Variants in XPR1 observed in about 807,000 individuals in gnomAD.
XPR1 encodes the protein xenotropic and polytropic retrovirus receptor 1.
A neutral mutation model predicts 87.5 loss-of-function variants in XPR1; 28 were observed. That is an observed-to-expected ratio of 0.32 (90% confidence interval 0.24 to 0.44). XPR1 has a LOEUF of 0.44. XPR1 is among the 20% of genes least tolerant of loss of function. The pLI is 1.00. For synonymous variants in XPR1, 300 were observed against 306.1 expected, an observed-to-expected ratio of 0.98 and a Z score of 0.21; for missense variants, 559 against 862.3, an observed-to-expected ratio of 0.65 and a Z score of 4.41.
intron 2 of XPR1, among the ~76,000 whole-genome samples, chr1:180,749,639 T>TCA (rs139363505): frequency 0.063 from 9,035 of 142,360 alleles, 388 homozygotes; most frequent in African/African-American, 0.1. Flanking sequence ...CACATATACA[T>TCA]CACACACACA....
Position 180,728,301 on chromosome 1 carries a change from G to T in XPR1, c.121+45890G>T, listed in dbSNP as rs977982357. 2.0e-5 allele frequency among the ~76,000 whole-genome samples: 3 copies of T among 146,542 alleles called. No individual in the cohort carries two copies. In the East Asian group the frequency reaches 6.2e-4, roughly 30 times the overall value. On this transcript the variant is annotated intron_variant, in intron 2 of 14. Coordinates refer to ENST00000367590, the MANE Select transcript of XPR1 (RefSeq NM_004736.4). ...GAAAAAGGAGTTGTTTATAACTGGG[G>T]GGGGGGGTAGTAATGAAAACTATGT...
intron 5 of XPR1, 31 bp from the exon 6 acceptor site, chr1:180,806,443 C>G: frequency 6.2e-7 from 1 of 1,608,642 alleles, no homozygotes. Context: ...TTAGTATAAC[C>G]TAACCAAAAT....
At chr1:180,834,086 A>AT (rs113763392) in intron 9 of XPR1, among the ~76,000 whole-genome samples, 9,587 of 146,470 alleles carry the variant, frequency 0.065, 381 homozygotes, top group Non-Finnish European at 0.085. Context: ...TATTGTAATA[A>AT]TTTTTTTTTT....
At chr1:180,762,580 G>A (rs1040159916) in intron 2 of XPR1, among the ~76,000 whole-genome samples, 8 of 152,156 alleles carry the variant, frequency 5.3e-5, no homozygotes, top group Middle Eastern at 3.2e-3. Context: ...AAAATTAAGG[G>A]AACAGGCTGG....
intron 1 of XPR1, among the ~76,000 whole-genome samples, chr1:180,663,902 C>A (rs892291156): frequency 3.3e-5 from 5 of 152,130 alleles, no homozygotes; most frequent in Admixed American, 3.3e-4. Flanking sequence ...GAGGAGTCTC[C>A]CCATGTCCAC....
chr1:180,862,828 G>T (rs1337269300), intron 11 of XPR1, among the ~76,000 whole-genome samples: 6 of 151,956 alleles, frequency 3.9e-5, no homozygotes, highest in Non-Finnish European at 8.8e-5. Context: ...AATTAGATTT[G>T]TACGCCTTTT....
At chr1:180,766,231 A>G (rs1217028270) in intron 2 of XPR1, among the ~76,000 whole-genome samples, 1 of 152,120 alleles carries the variant, frequency 6.6e-6, no homozygotes, top group Non-Finnish European at 1.5e-5. Flanking sequence ...GCACATTTCC[A>G]AAAAAATGCA....
At chr1:180,715,995 T>A (rs921013197) in intron 2 of XPR1, among the ~76,000 whole-genome samples, 1 of 152,164 alleles carries the variant, frequency 6.6e-6, no homozygotes, top group Non-Finnish European at 1.5e-5. Flanking sequence ...TAATGAAAGC[T>A]TCTTGAGCTA....
At chr1:180,793,876 T>G (rs1382169877) in intron 3 of XPR1, among the ~76,000 whole-genome samples, 9 of 152,166 alleles carry the variant, frequency 5.9e-5, no homozygotes, top group Non-Finnish European at 1.2e-4. Context: ...CTTCCTTCCT[T>G]CTGTCTCTCT....
chr1:180,659,457 C>G (rs1156758064), intron 1 of XPR1, among the ~76,000 whole-genome samples: 1 of 93,240 alleles, frequency 1.1e-5, no homozygotes, highest in East Asian at 2.5e-4. Flanking sequence ...CTTCTTCCCT[C>G]CCTTCCTCCC....
At chr1:180,821,891 A>G (rs1485496622) in intron 7 of XPR1, among the ~76,000 whole-genome samples, 1 of 152,144 alleles carries the variant, frequency 6.6e-6, no homozygotes, top group African/African-American at 2.4e-5. Flanking sequence ...TGTACTCTAC[A>G]ACTGTGATGA....
intron 2 of XPR1, among the ~76,000 whole-genome samples, chr1:180,702,126 G>C (rs1269336989): frequency 1.4e-5 from 1 of 72,900 alleles, no homozygotes; most frequent in African/African-American, 6.6e-5. Context: ...CAGAGATTCT[G>C]GTATGTGGTG....
Position 180,652,479 on chromosome 1 carries a change from G to T in XPR1, c.69+20209G>T, listed in dbSNP as rs1413376654. 3.3e-5 allele frequency among the ~76,000 whole-genome samples: 5 copies of T among 152,336 alleles called. No homozygotes were observed. In the South Asian group the frequency reaches 1.0e-3, roughly 32 times the overall value. ...AAAGAAGATGAAGACTTAGTCTTCT[G>T]TCTGATCTGCTCCAGCCTCCAGCCC... is the stretch of plus-strand genomic sequence containing the variant. On this transcript the variant is annotated intron_variant, in intron 1 of 14. Transcript: ENST00000367590.
At chr1:180,845,772 C>G (rs912219124) in intron 11 of XPR1, among the ~76,000 whole-genome samples, 3 of 70,498 alleles carry the variant, frequency 4.3e-5, no homozygotes, top group Middle Eastern at 8.5e-3. Flanking sequence ...TGACCTGAGC[C>G]TGCTGACACA....
At chr1:180,850,240 T>C (rs1226692483) in intron 11 of XPR1, among the ~76,000 whole-genome samples, 1 of 152,236 alleles carries the variant, frequency 6.6e-6, no homozygotes, top group African/African-American at 2.4e-5. Context: ...ATATTTAGAA[T>C]TGTTTCAGAT....
chr1:180,815,446 G>T (rs189639172), intron 7 of XPR1, among the ~76,000 whole-genome samples: 1 of 152,116 alleles, frequency 6.6e-6, no homozygotes, highest in East Asian at 1.9e-4. Context: ...ATCTTCCAGC[G>T]GGTGCTTAAA....
intron 9 of XPR1, among the ~76,000 whole-genome samples, chr1:180,827,825 G>A (rs1034905331): frequency 4.6e-5 from 7 of 151,584 alleles, no homozygotes; most frequent in African/African-American, 1.5e-4. Flanking sequence ...TTCTGATACC[G>A]CTTTTTAAAA....
At chr1:180,762,468 A>G (rs1400666930) in intron 2 of XPR1, among the ~76,000 whole-genome samples, 1 of 152,200 alleles carries the variant, frequency 6.6e-6, no homozygotes, top group African/African-American at 2.4e-5. Flanking sequence ...GAGTGGACCC[A>G]TCAGCATTCC....
At chr1:180,795,679 C>T (rs774206707) in intron 3 of XPR1, among the ~76,000 whole-genome samples, 2 of 151,960 alleles carry the variant, frequency 1.3e-5, no homozygotes, top group Non-Finnish European at 2.9e-5. Context: ...CAAAGTATGC[C>T]GTGAACCAAG....
Sources: allele counts gnomAD v4.1 joint callset (sites outside exome capture counted in the v4.1 genomes callset), GRCh38; gene constraint gnomAD v4.1.1; transcripts MANE v1.5; gene names NCBI Gene and HGNC (gene_info 2026-07-23, HGNC 2026-07-21).